ZBTB16: variants seen among roughly 807,000 people sequenced by gnomAD.
ZBTB16 encodes zinc finger and BTB domain containing 16.
ZBTB16 carries 8 observed loss-of-function variants against 56.8 expected under a neutral mutation model. That is an observed-to-expected ratio of 0.14 (90% confidence interval 0.08 to 0.25). The LOEUF (loss-of-function observed/expected upper bound fraction) is 0.25, where lower values mean the gene tolerates loss of function less well. ZBTB16 is among the 10% of genes least tolerant of loss of function. The probability of loss-of-function intolerance (pLI) is 1.00; values close to 1 mark genes in which losing one functional copy is unlikely to be tolerated. For missense variants in ZBTB16, 625 were observed against 903.0 expected, an observed-to-expected ratio of 0.69 and a Z score of 3.95; for synonymous variants, 363 against 368.5, an observed-to-expected ratio of 0.98 and a Z score of 0.17.
At chr11:114,213,757 C>T (rs1292391241) in intron 4 of ZBTB16, among the ~76,000 whole-genome samples, 1 of 152,144 alleles carries the variant, frequency 6.6e-6, no homozygotes, top group Non-Finnish European at 1.5e-5. Flanking sequence ...TCTTTGAATC[C>T]ACATAAAATC....
chr11:114,217,898 G>A lies in ZBTB16; in HGVS notation c.1454-24269G>A, dbSNP rs142840299. ...CAGGTGCAGAGGGCTTCTCAGAGGC[G>A]GATTCTCAAGGTATGGCCTGGTGTG... On this transcript the variant is annotated intron_variant, in intron 4 of 6. Transcript: ENST00000335953. Among the ~76,000 whole-genome samples the A allele has an allele frequency of 4.8e-3, 730 of 152,266 alleles. 2 individuals carry two copies. The highest frequency in any genetic ancestry group is 0.014 in the African/African-American group (564 of 41,532).
chr11:114,197,770 G>T (rs552131916), intron 4 of ZBTB16, among the ~76,000 whole-genome samples: 1 of 152,104 alleles, frequency 6.6e-6, no homozygotes, highest in South Asian at 2.1e-4. Context: ...GCCCAGGCTG[G>T]AGTGCAGAAG....
intron 2 of ZBTB16, among the ~76,000 whole-genome samples, chr11:114,147,134 A>G (rs149844819): frequency 2.0e-5 from 3 of 152,356 alleles, no homozygotes; most frequent in Admixed American, 6.5e-5. Flanking sequence ...AGCAGAAAGA[A>G]TGAGGCAATA....
chr11:114,250,495 C>T lies in ZBTB16; in HGVS notation c.1962C>T (p.Pro654=), dbSNP rs766471819. The T allele has an allele frequency of 4.3e-5, 70 of 1,614,006 alleles. No homozygotes were observed. The highest frequency in any genetic ancestry group is 1.8e-4 in the Admixed American group (11 of 60,006). The change falls in exon 7 of 7, where the codon CCC becomes CCT. Residue 654 remains proline, a synonymous_variant. Transcript: ENST00000335953. The surrounding 1 kb of genome is among the most constrained non-coding windows in gnomAD (Gnocchi z 6.0). ...AGAAGCACATGAAGGGCCACAAGCCCGAGGAGATCCCGCCCGACTGGAGGA... is the reference window on the plus strand; with the variant it reads ...AGAAGCACATGAAGGGCCACAAGCCTGAGGAGATCCCGCCCGACTGGAGGA... ...SMQKHMKGHK[P]EEIPPDWRIE... is the part of the protein sequence containing the mutation.
intron 4 of ZBTB16, among the ~76,000 whole-genome samples, chr11:114,238,224 A>C (rs1944633468): frequency 3.3e-5 from 5 of 152,128 alleles, no homozygotes. Context: ...CGCTGCTTCT[A>C]ACCGCTTGCT....
chr11:114,202,234 A>G (rs1429466910), intron 4 of ZBTB16, among the ~76,000 whole-genome samples: 1 of 152,260 alleles, frequency 6.6e-6, no homozygotes, highest in African/African-American at 2.4e-5. Flanking sequence ...GACAGAGGCC[A>G]CAAATAAGAA....
At chr11:114,234,477 G>A (rs1452527035) in intron 4 of ZBTB16, among the ~76,000 whole-genome samples, 1 of 152,214 alleles carries the variant, frequency 6.6e-6, no homozygotes, top group Non-Finnish European at 1.5e-5. Context: ...CCAGGGTTCG[G>A]TGGGCTGATT....
At chr11:114,117,587 G>A (rs1288144396) in intron 2 of ZBTB16, among the ~76,000 whole-genome samples, 1 of 152,130 alleles carries the variant, frequency 6.6e-6, no homozygotes, top group African/African-American at 2.4e-5. Flanking sequence ...TTTTGGCTTG[G>A]ATAACTGGTG....
intron 5 of ZBTB16, among the ~76,000 whole-genome samples, chr11:114,243,963 T>A (rs1222760462): frequency 6.6e-6 from 1 of 152,146 alleles, no homozygotes; most frequent in Non-Finnish European, 1.5e-5. Flanking sequence ...GGAGAAGCCC[T>A]TGCTTATTCT....
At chr11:114,095,152 C>T (rs559537061) in intron 2 of ZBTB16, among the ~76,000 whole-genome samples, 10 of 151,674 alleles carry the variant, frequency 6.6e-5, no homozygotes, top group South Asian at 4.2e-4. Context: ...CACGTGCACG[C>T]GCCCTGCAGT....
At chr11:114,233,053 C>CCCCCAT (rs1944475041) in intron 4 of ZBTB16, among the ~76,000 whole-genome samples, 3 of 127,128 alleles carry the variant, frequency 2.4e-5, no homozygotes, top group Admixed American at 8.0e-5. Context: ...ACCCACTCTA[C>CCCCCAT]TGCACATACG....
intron 2 of ZBTB16, among the ~76,000 whole-genome samples, chr11:114,095,990 A>T (rs1940392942): frequency 1.3e-5 from 2 of 152,258 alleles, no homozygotes; most frequent in South Asian, 4.1e-4. Flanking sequence ...AAATTGGCTT[A>T]GAATTGGATT....
intron 2 of ZBTB16, among the ~76,000 whole-genome samples, chr11:114,107,992 G>T (rs238919): frequency 0.061 from 9,182 of 151,462 alleles, 820 homozygotes; most frequent in African/African-American, 0.2. Flanking sequence ...TTATTATGAT[G>T]ATTATTATCA....
At chr11:114,194,813 A>G (rs1943571351) in intron 4 of ZBTB16, among the ~76,000 whole-genome samples, 1 of 152,242 alleles carries the variant, frequency 6.6e-6, no homozygotes, top group African/African-American at 2.4e-5. Flanking sequence ...GTAGTTCTTT[A>G]AGTCCAGATA....
chr11:114,148,336 G>GCTGGCTTGCTTCCTTC lies in ZBTB16; in HGVS notation c.1269-7999_1269-7998insGGCTTGCTTCCTTCCT, dbSNP rs1369514528. 3.5e-3 allele frequency among the ~76,000 whole-genome samples: 182 copies of GCTGGCTTGCTTCCTTC among 52,568 alleles called. 1 individual carries two copies. The highest frequency in any genetic ancestry group is 4.1e-3 in the Non-Finnish European group (103 of 24,904). The allele number at this position is 52,568 out of a possible 152,430, so 34.5% of individuals were successfully genotyped here. ...GATGCATAGGATGCATGGCTGGCTG[G>GCTGGCTTGCTTCCTTC]CTTCCTTCCTTCCTTCCTTCCTTCC... is the stretch of plus-strand genomic sequence containing the variant. On this transcript the variant is annotated intron_variant, in intron 2 of 6. Coordinates refer to ENST00000335953, the MANE Select transcript of ZBTB16 (RefSeq NM_006006.6).
rs1340891516 is a variant in ZBTB16 at position 114,064,645 on chromosome 11, C to T, written c.1268+77C>T. 5 of 1,549,490 alleles carry T rather than the reference C, an allele frequency of 3.2e-6. No individual in the cohort carries two copies. Among genetic ancestry groups the T allele is most frequent in the Non-Finnish European group, 4.4e-6 (5 of 1,139,554 alleles). Reference sequence around the variant, plus strand: ...CCCTCCTTCACACCCTGGCTGCTCCCAAGTTAGGGGCCTGGCTCCCCTGTC... The same window carrying T: ...CCCTCCTTCACACCCTGGCTGCTCCTAAGTTAGGGGCCTGGCTCCCCTGTC... On this transcript the variant is annotated intron_variant, in intron 2 of 6. Transcript: ENST00000335953. This position sits in a 1 kb window ranked among gnomAD's most constrained non-coding sequence, Gnocchi z 4.2.
chr11:114,206,493 A>G (rs1165596151), intron 4 of ZBTB16, among the ~76,000 whole-genome samples: 2 of 152,152 alleles, frequency 1.3e-5, no homozygotes, highest in Non-Finnish European at 2.9e-5. Flanking sequence ...TTCTGCCCCC[A>G]GGCAGCCCTC....
chr11:114,112,681 C>G (rs1386755091), intron 2 of ZBTB16, among the ~76,000 whole-genome samples: 2 of 152,032 alleles, frequency 1.3e-5, no homozygotes, highest in East Asian at 3.9e-4. Context: ...TGTTCTCTCT[C>G]ATAGCTCTAC....
chr11:114,188,411 T>C (rs1482450978), intron 4 of ZBTB16: 2 of 152,184 alleles, frequency 1.3e-5, no homozygotes, highest in African/African-American at 4.8e-5. Context: ...TTCCTATTTG[T>C]GGGGCCATGG....
Sources: gnomAD v4.1 joint callset for allele counts (sites outside exome capture counted in the v4.1 genomes callset) on GRCh38, gnomAD v4.1.1 for gene constraint, Gnocchi (gnomAD v3.1) non-coding constraint, MANE v1.5 for transcripts, NCBI Gene and HGNC (gene_info 2026-07-23, HGNC 2026-07-21) for gene names.